PLD1: variants seen among roughly 807,000 people sequenced by gnomAD.
PLD1 encodes the protein choline phosphatase 1.
A neutral mutation model predicts 137.1 loss-of-function variants in PLD1; 112 were observed. The observed-to-expected ratio is 0.82, with a 90% CI of 0.70 to 0.96. The LOEUF is 0.96. PLD1 is among the 40% of genes least tolerant of loss of function. The pLI, the probability that PLD1 is intolerant of heterozygous loss-of-function variation, is 0.00. For synonymous variants in PLD1, 431 were observed against 454.7 expected (o/e 0.95, Z 0.66); for missense variants, 1,321 against 1,342.0 (o/e 0.98, Z 0.24).
At chr3:171,693,866 C>A (rs1190707022) in intron 12 of PLD1, among the ~76,000 whole-genome samples, 2 of 152,076 alleles carry the variant, frequency 1.3e-5, no homozygotes, top group African/African-American at 2.4e-5. Flanking sequence ...GAATAAAAAT[C>A]TTTAAGATAT....
rs79486641 is a variant in PLD1, at chr3:171,680,580, A to T, written c.1868-2886T>A. Among the ~76,000 whole-genome samples the T allele has an allele frequency of 5.3e-3, 813 of 152,234 alleles. 4 individuals are homozygous for T. The highest frequency in any genetic ancestry group is 9.7e-3 in the Non-Finnish European group (658 of 67,992). ...ATTTCTAAAATGTGCACCTGCAAGG[A>T]TGGCTTCTGTTTTGGACTCCAAATC... On this transcript the variant is annotated intron_variant, in intron 16 of 26. Transcript: ENST00000351298.
At chr3:171,794,701 T>C (rs1723358845) in intron 1 of PLD1, among the ~76,000 whole-genome samples, 1 of 151,892 alleles carries the variant, frequency 6.6e-6, no homozygotes, top group Admixed American at 6.6e-5. Context: ...AAAAAAGTAC[T>C]GGACAATTCA....
Position 171,664,307 on chromosome 3 carries a change from A to G in PLD1, c.2230-2137T>C, listed in dbSNP as rs1301990988. ...AGAAGTTTTAATTCTTAGTCCACTCAAATTAATGTTTAATTTTGTTACTAA... is the reference window on the plus strand; with the variant it reads ...AGAAGTTTTAATTCTTAGTCCACTCGAATTAATGTTTAATTTTGTTACTAA... On this transcript the variant is annotated intron_variant, in intron 19 of 26. Coordinates refer to ENST00000351298, the MANE Select transcript of PLD1 (RefSeq NM_002662.5). 2.0e-5 allele frequency among the ~76,000 whole-genome samples: 3 copies of G among 152,348 alleles called. No homozygotes were observed. In the East Asian group the frequency reaches 5.8e-4, roughly 29 times the overall value.
chr3:171,784,021 G>A (rs1218116962), intron 1 of PLD1, among the ~76,000 whole-genome samples: 2 of 152,126 alleles, frequency 1.3e-5, no homozygotes, highest in Non-Finnish European at 1.5e-5. Context: ...GATAGTATGT[G>A]TACCCATTTG....
At chr3:171,699,701 G>T (rs1716068288) in intron 12 of PLD1, 44 bp downstream of exon 12, 2 of 1,348,190 alleles carry the variant, frequency 1.5e-6, no homozygotes, top group Non-Finnish European at 1.1e-6. Context: ...AGAGACAACA[G>T]ACAGTTAAAA....
intron 1 of PLD1, among the ~76,000 whole-genome samples, chr3:171,772,729 GAGA>G (rs1410791464): frequency 6.6e-6 from 1 of 152,238 alleles, no homozygotes; most frequent in East Asian, 1.9e-4. Context: ...AAGAAAAACA[GAGA>G]AGGAGCAGCT....
intron 1 of PLD1, among the ~76,000 whole-genome samples, chr3:171,796,015 C>G: frequency 6.6e-6 from 1 of 152,166 alleles, no homozygotes; most frequent in East Asian, 1.9e-4. Flanking sequence ...ACTTCCATTT[C>G]CCTTTAAACT....
intron 1 of PLD1, among the ~76,000 whole-genome samples, chr3:171,774,659 ACTT>A (rs1722529556): frequency 6.6e-6 from 1 of 152,202 alleles, no homozygotes; most frequent in African/African-American, 2.4e-5. Context: ...ACAAGTTTAT[ACTT>A]TCATAAACTG....
At chr3:171,707,724 A>G (rs1157880880) in intron 11 of PLD1, among the ~76,000 whole-genome samples, 2 of 152,160 alleles carry the variant, frequency 1.3e-5, no homozygotes, top group Non-Finnish European at 2.9e-5. Context: ...ACAACTGGGA[A>G]CTTACTACTG....
At chr3:171,628,257 C>G (rs1435352393) in intron 23 of PLD1, among the ~76,000 whole-genome samples, 1 of 152,176 alleles carries the variant, frequency 6.6e-6, no homozygotes, top group Non-Finnish European at 1.5e-5. Context: ...ACTAGAAAAT[C>G]TAGAAGAAAT....
intron 9 of PLD1, among the ~76,000 whole-genome samples, chr3:171,712,883 T>C (rs1040683794): frequency 2.6e-5 from 4 of 152,140 alleles, no homozygotes; most frequent in Non-Finnish European, 5.9e-5. Context: ...TCCATTCTCA[T>C]AGAATATCAT....
At chr3:171,770,656 C>A (rs1578452103) in intron 1 of PLD1, among the ~76,000 whole-genome samples, 2 of 151,786 alleles carry the variant, frequency 1.3e-5, no homozygotes, top group Non-Finnish European at 2.9e-5. Context: ...ACAAGGCAGG[C>A]AAATCGCTTG....
intron 16 of PLD1, among the ~76,000 whole-genome samples, chr3:171,680,530 G>A (rs1008563694): frequency 3.3e-5 from 5 of 151,908 alleles, no homozygotes; most frequent in East Asian, 1.9e-4. Context: ...CACCACACCC[G>A]GCCTCTCCTG....
At chr3:171,724,919 C>T (rs767777553) in intron 7 of PLD1, 131 bp from the exon 8 acceptor site, 12 of 680,214 alleles carry the variant, frequency 1.8e-5, no homozygotes, top group African/African-American at 3.5e-5. Context: ...CTCTCCTCCT[C>T]GCTCTCAACT....
At chr3:171,745,974 G>A (rs1043155646) in intron 1 of PLD1, among the ~76,000 whole-genome samples, 7 of 152,268 alleles carry the variant, frequency 4.6e-5, no homozygotes, top group East Asian at 1.9e-4. Flanking sequence ...GGCAAGTCCC[G>A]CACTCAGAGC....
At chr3:171,690,391 T>C (rs1715026387) in intron 13 of PLD1, among the ~76,000 whole-genome samples, 1 of 152,190 alleles carries the variant, frequency 6.6e-6, no homozygotes, top group Admixed American at 6.5e-5. Context: ...TTCCTTCTGG[T>C]AGTTTTAGGT....
rs140680479 is a variant in PLD1, at chr3:171,692,047, T to C, written c.1338+285A>G. Among the ~76,000 whole-genome samples, 17 of 152,306 alleles carry C rather than the reference T, an allele frequency of 1.1e-4. 1 individual carries two copies. The highest frequency in any genetic ancestry group is 3.9e-4 in the East Asian group (2 of 5,182). ...GATAATGAGAAGTGTGAGAACTTGA[T>C]AGAGCTCGTGAATATCAAAACAACT... On this transcript the variant is annotated intron_variant, in intron 13 of 26. Transcript: ENST00000351298.
chr3:171,624,455 C>CAATTGTTAG (rs1733912256), intron 23 of PLD1, among the ~76,000 whole-genome samples: 4 of 152,074 alleles, frequency 2.6e-5, no homozygotes, highest in South Asian at 4.1e-4. Context: ...TTTGAAGGGT[C>CAATTGTTAG]ATTTAGCAAT....
At chr3:171,705,880 A>C (rs975534541) in intron 11 of PLD1, among the ~76,000 whole-genome samples, 44 of 152,234 alleles carry the variant, frequency 2.9e-4, no homozygotes, top group African/African-American at 1.0e-3. Flanking sequence ...TGTTGCCCAT[A>C]GACTGTTTTA....
Sources: allele counts gnomAD v4.1 joint callset (sites outside exome capture counted in the v4.1 genomes callset), GRCh38; gene constraint gnomAD v4.1.1; transcripts MANE v1.5; gene names NCBI Gene and HGNC (gene_info 2026-07-23, HGNC 2026-07-21).